PCDHA3: variants seen among roughly 807,000 people sequenced by gnomAD.
PCDHA3 encodes the protein protocadherin alpha 3.
In PCDHA3, 41 loss-of-function variants were observed where a neutral mutation model predicts 62.2. The ratio of observed to expected loss-of-function variants is 0.66; its 90% CI spans 0.51 to 0.86. PCDHA3 has a LOEUF of 0.86. Among genes scored for constraint, PCDHA3 ranks in the 40% least tolerant of loss-of-function variants. The probability of loss-of-function intolerance (pLI) is 0.00; values close to 1 mark genes in which losing one functional copy is unlikely to be tolerated. For missense variants in PCDHA3, 1,304 were observed against 1,241.2 expected (o/e 1.05, Z -0.76); for synonymous variants, 640 against 555.4 (o/e 1.15, Z -2.14).
intron 1 of PCDHA3, chr5:140,815,408 A>G (rs1320427077): frequency 6.6e-6 from 1 of 152,112 alleles, no homozygotes; most frequent in Non-Finnish European, 1.5e-5. Context: ...AAACTCTTAT[A>G]AAAATGTATT....
At chr5:140,939,441 T>A (rs1471285631) in intron 1 of PCDHA3, among the ~76,000 whole-genome samples, 1 of 152,274 alleles carries the variant, frequency 6.6e-6, no homozygotes, top group East Asian at 1.9e-4. Flanking sequence ...TTTGAAGAAT[T>A]AAGAGTGAAA....
intron 1 of PCDHA3, among the ~76,000 whole-genome samples, chr5:140,873,773 G>A (rs1554166889): frequency 6.6e-6 from 1 of 152,120 alleles, no homozygotes; most frequent in Non-Finnish European, 1.5e-5. Context: ...CAATTCTCCT[G>A]CCTCAGCTTT....
intron 1 of PCDHA3, chr5:140,829,830 T>G (rs1562311801): frequency 6.2e-7 from 1 of 1,613,772 alleles, no homozygotes; most frequent in East Asian, 2.2e-5. Context: ...GTGAGCGAGC[T>G]GGTGCCGCGG....
intron 1 of PCDHA3, among the ~76,000 whole-genome samples, chr5:140,912,823 G>C (rs2076078264): frequency 6.6e-6 from 1 of 152,090 alleles, no homozygotes; most frequent in Non-Finnish European, 1.5e-5. Context: ...AAGGGATTTT[G>C]AATTTTATTA....
At chr5:140,915,105 C>T (rs1554196760) in intron 1 of PCDHA3, among the ~76,000 whole-genome samples, 1 of 152,020 alleles carries the variant, frequency 6.6e-6, no homozygotes, top group East Asian at 1.9e-4. Flanking sequence ...ACCACCACAA[C>T]ACCCACCTAA....
rs1351607686 is a variant in PCDHA3, at chr5:140,803,573, C to T, written c.2376C>T (p.Asp792=). ...ATAGAGAGGAGAAACAGGATGTGGA[C>T]GTTGATCTCTCAGCCAAAGTGAGTA... The part of the protein sequence containing the change: ...SRDREEKQDV[D]VDLSAKPRQP... Residue 792 remains aspartate (D), a synonymous_variant, in exon 1 of 4, where the codon GAC becomes GAT. Coordinates refer to ENST00000522353, the MANE Select transcript of PCDHA3 (RefSeq NM_018906.3). 2.5e-6 allele frequency: 4 copies of T among 1,614,074 alleles called. No individual in the cohort carries two copies. The highest frequency in any genetic ancestry group is 1.1e-5 in the South Asian group (1 of 91,086).
At chr5:140,841,103 G>T in intron 1 of PCDHA3, 2 of 582,476 alleles carry the variant, frequency 3.4e-6, no homozygotes, top group Non-Finnish European at 5.9e-6. Context: ...AGATATTGCG[G>T]AAGTAATTCA....
At chr5:140,861,631 C>A (rs960525062) in intron 1 of PCDHA3, 2 of 314,942 alleles carry the variant, frequency 6.4e-6, no homozygotes, top group Non-Finnish European at 1.3e-5. Context: ...GTGTTCTCAG[C>A]AACACAAAAG....
At chr5:140,834,646 C>G (rs17844305) in intron 1 of PCDHA3, 112,077 of 1,614,172 alleles carry the variant, frequency 0.069, 4,265 homozygotes, top group Admixed American at 0.079. Flanking sequence ...TTTGTGAATT[C>G]TCGGATCGAC....
Position 140,857,808 on chromosome 5 carries a change from G to A in PCDHA3, c.2394+54217G>A. ...CTGGTGCTGCGGTCGGTGGTTGCGG[G>A]TCACGTGGTGGCTAAGGTGCGCGCA... On this transcript the variant is annotated intron_variant, in intron 1 of 3. Coordinates refer to ENST00000522353, the MANE Select transcript of PCDHA3 (RefSeq NM_018906.3). The A allele has an allele frequency of 4.4e-6, 7 of 1,597,848 alleles. 1 individual carries two copies. The highest frequency in any genetic ancestry group is 6.0e-6 in the Non-Finnish European group (7 of 1,167,652).
intron 1 of PCDHA3, among the ~76,000 whole-genome samples, chr5:140,846,281 T>G (rs1780295705): frequency 6.7e-6 from 1 of 149,458 alleles, no homozygotes; most frequent in Non-Finnish European, 1.5e-5. Context: ...CAATTTATGT[T>G]GTAGTTCTAT....
chr5:140,835,795 G>GC, intron 1 of PCDHA3: 1 of 1,613,068 alleles, frequency 6.2e-7, no homozygotes, highest in Admixed American at 1.7e-5. Flanking sequence ...AACCCGCCGG[G>GC]CTGCCACATC....
At chr5:140,913,969 AT>A (rs1304513966) in intron 1 of PCDHA3, among the ~76,000 whole-genome samples, 3 of 152,098 alleles carry the variant, frequency 2.0e-5, no homozygotes, top group Admixed American at 2.0e-4. Context: ...TTAAAAAAAT[AT>A]TTTAGGACTT....
intron 3 of PCDHA3, among the ~76,000 whole-genome samples, chr5:140,992,691 G>A (rs373170347): frequency 9.3e-4 from 142 of 152,244 alleles, no homozygotes; most frequent in Middle Eastern, 3.4e-3. Context: ...GGGTTGAGGG[G>A]TGGGTAATGT....
rs1220718510 is a variant in PCDHA3, at chr5:140,898,104, A to T, written c.2395-80845A>T. 2.0e-5 allele frequency among the ~76,000 whole-genome samples: 3 copies of T among 152,110 alleles called. No individual in the cohort carries two copies. In the South Asian group the frequency reaches 6.2e-4, roughly 32 times the overall value. On this transcript the variant is annotated intron_variant, in intron 1 of 3. Coordinates refer to ENST00000522353, the MANE Select transcript of PCDHA3 (RefSeq NM_018906.3). Reference sequence around the variant, plus strand: ...CTGGATATTAGCCCTTTGTCAGATGAGTAGGTTGCGAAAATTTTCTCCCAT... The same window carrying T: ...CTGGATATTAGCCCTTTGTCAGATGTGTAGGTTGCGAAAATTTTCTCCCAT...
intron 3 of PCDHA3, among the ~76,000 whole-genome samples, chr5:141,008,458 C>T (rs1234894606): frequency 3.9e-5 from 6 of 152,252 alleles, no homozygotes; most frequent in Middle Eastern, 3.4e-3. Context: ...CCTTCCTCTC[C>T]AGCTCTGACT....
rs114351206 is a variant in PCDHA3 at position 140,991,799 on chromosome 5, G to A, written c.2542+9236G>A. Among the ~76,000 whole-genome samples the A allele has an allele frequency of 3.8e-3, 580 of 152,160 alleles. 3 individuals are homozygous for A. The highest frequency in any genetic ancestry group is 0.013 in the African/African-American group (548 of 41,490). On this transcript the variant is annotated intron_variant, in intron 3 of 3. Coordinates refer to ENST00000522353, the MANE Select transcript of PCDHA3 (RefSeq NM_018906.3). ...ACTCTGCCCATTTCCCAATCTCAAG[G>A]CCACTTCCGCATTTTTAGGCATTTA... is the stretch of plus-strand genomic sequence containing the variant.
chr5:140,986,587 C>G (rs1194407522), intron 3 of PCDHA3, among the ~76,000 whole-genome samples: 1 of 152,208 alleles, frequency 6.6e-6, no homozygotes, highest in East Asian at 1.9e-4. Flanking sequence ...TCCAGCTCCT[C>G]TTTCTACATT....
chr5:140,823,966 T>C (rs1457344203), intron 1 of PCDHA3: 2 of 1,613,828 alleles, frequency 1.2e-6, no homozygotes, highest in African/African-American at 2.7e-5. Context: ...CGAGGCCGTG[T>C]GCACACGGGG....
Sources: allele counts gnomAD v4.1 joint callset (sites outside exome capture counted in the v4.1 genomes callset), GRCh38; gene constraint gnomAD v4.1.1; transcripts MANE v1.5; gene names NCBI Gene and HGNC (gene_info 2026-07-23, HGNC 2026-07-21).